The following ARHGAP17 variants were observed in gnomAD, a reference collection of about 807,000 sequenced individuals.
ARHGAP17 encodes Rho GTPase activating protein 17.
Under a neutral mutation model 99.5 loss-of-function variants are expected in ARHGAP17, and 57 were observed. The ratio of observed to expected loss-of-function variants is 0.57; its 90% CI spans 0.46 to 0.71. The LOEUF is 0.71. Ranked by LOEUF, ARHGAP17 falls within the 30% of genes least tolerant of loss-of-function variation. The pLI is 0.00. For synonymous variants in ARHGAP17, 417 were observed against 429.6 expected, an observed-to-expected ratio of 0.97 and a Z score of 0.36; for missense variants, 1,000 against 1,122.4, an observed-to-expected ratio of 0.89 and a Z score of 1.56.
Position 24,971,562 on chromosome 16 carries a change from A to C in ARHGAP17, c.199-982T>G, listed in dbSNP as rs555523830. Among the ~76,000 whole-genome samples the C allele has an allele frequency of 2.0e-5, 3 of 152,276 alleles. No homozygotes were observed. The South Asian group carries it at 6.2e-4, about 32-fold the overall frequency. On this transcript the variant is annotated intron_variant, in intron 3 of 19. Coordinates refer to ENST00000289968, the MANE Select transcript of ARHGAP17 (RefSeq NM_001006634.3). ...AGGCTTGTCTCAAACTCTTGACCTC[A>C]AGTGATCTGCCCTCCTCAGCCTCCC...
intron 12 of ARHGAP17, 108 bp downstream of exon 12, chr16:24,952,181 A>G: frequency 1.4e-6 from 1 of 733,790 alleles, no homozygotes; most frequent in Non-Finnish European, 2.2e-6. Flanking sequence ...TATTTAACAA[A>G]TACGCTATTT....
Position 24,977,280 on chromosome 16 carries a change from G to A in ARHGAP17, c.133C>T (p.His45Tyr). Residue 45 changes from histidine to tyrosine, a missense_variant, in exon 3 of 20, where the codon CAT becomes TAT. Physicochemically the swap from His to Tyr is moderately conservative, Grantham distance 83. This residue lies in a region of ARHGAP17 where 472 missense variants were observed against 611.1 expected (regional missense o/e 0.77). Transcript: ENST00000289968. Reference sequence around the variant, plus strand: ...CATGCCACCAAGCGCTTATGGGAATGGTGGCATATTGACCGCACCGTGTCC... The same window carrying A: ...CATGCCACCAAGCGCTTATGGGAATAGTGGCATATTGACCGCACCGTGTCC... ...RLDTVRSICH[H>Y]SHKRLVACFQ... 6.3e-7 allele frequency: 1 copy of A among 1,597,320 alleles called. No individual in the cohort carries two copies. Among genetic ancestry groups the A allele is most frequent in the Admixed American group, 1.7e-5 (1 of 59,060 alleles).
At chr16:24,965,473 T>TCAAA (rs767439872) in intron 6 of ARHGAP17, among the ~76,000 whole-genome samples, 2 of 152,060 alleles carry the variant, frequency 1.3e-5, no homozygotes, top group South Asian at 4.2e-4. Flanking sequence ...AGACCCTGTC[T>TCAAA]CAAACAAACA....
At chr16:24,984,625 G>A (rs1447516607) in intron 1 of ARHGAP17, among the ~76,000 whole-genome samples, 1 of 151,574 alleles carries the variant, frequency 6.6e-6, no homozygotes, top group Non-Finnish European at 1.5e-5. Context: ...TTGCGCCACT[G>A]CACTCCAGCC....
chr16:25,015,210 T>G lies in ARHGAP17; in HGVS notation c.52A>C (p.Arg18=). The G allele has an allele frequency of 7.5e-7, 1 of 1,332,554 alleles. No individual in the cohort carries two copies. Among genetic ancestry groups the G allele is most frequent in the Non-Finnish European group, 9.7e-7 (1 of 1,033,542 alleles). The allele number at this position is 1,332,554 out of a possible 1,614,324, so 82.5% of individuals were successfully genotyped here. The change falls in exon 1 of 20, where the codon AGA becomes CGA. Residue 18 remains arginine (R), a splice_region_variant and synonymous_variant. Coordinates refer to ENST00000289968, the MANE Select transcript of ARHGAP17 (RefSeq NM_001006634.3). ...CCCCGTGCTGCCCGGCGCACTCGCC[T>G]GCCCACGGTCTGGTTAGCCAGCTGC... The part of the protein sequence containing the change: ...MKQLANQTVG[R]AEKTEVLSED...
intron 2 of ARHGAP17, among the ~76,000 whole-genome samples, chr16:24,977,704 G>GGTGT (rs148578980): frequency 3.3e-5 from 5 of 151,806 alleles, no homozygotes; most frequent in Admixed American, 6.6e-5. Flanking sequence ...TTGGGTTTGG[G>GGTGT]GTGTGTGTGT....
intron 1 of ARHGAP17, among the ~76,000 whole-genome samples, chr16:25,005,581 T>C (rs1330178309): frequency 2.0e-5 from 3 of 152,168 alleles, no homozygotes; most frequent in Non-Finnish European, 2.9e-5. Flanking sequence ...AGGGATCAAT[T>C]ATATTTTTAA....
chr16:24,953,989 A>C (rs1465564239), intron 10 of ARHGAP17, among the ~76,000 whole-genome samples: 1 of 151,966 alleles, frequency 6.6e-6, no homozygotes, highest in East Asian at 1.9e-4. Flanking sequence ...TACACCTATG[A>C]TATGTATGCT....
At chr16:24,977,420 G>T in intron 2 of ARHGAP17, 101 bp from the exon 3 acceptor site, 1 of 968,298 alleles carries the variant, frequency 1.0e-6, no homozygotes. Flanking sequence ...GCAGGGAAAA[G>T]GGATGATCTT....
At chr16:24,990,088 T>C (rs977627077) in intron 1 of ARHGAP17, among the ~76,000 whole-genome samples, 6 of 152,242 alleles carry the variant, frequency 3.9e-5, no homozygotes, top group South Asian at 2.1e-4. Flanking sequence ...CATTACACAT[T>C]GTAAACATAT....
chr16:25,010,071 C>G (rs1270750973), intron 1 of ARHGAP17, among the ~76,000 whole-genome samples: 1 of 151,012 alleles, frequency 6.6e-6, no homozygotes, highest in African/African-American at 2.4e-5. Context: ...AGGTTTCTTC[C>G]TCTTTTTTTT....
At chr16:24,921,951 TCA>T (rs1308527723) in intron 19 of ARHGAP17, among the ~76,000 whole-genome samples, 1 of 152,200 alleles carries the variant, frequency 6.6e-6, no homozygotes, top group Non-Finnish European at 1.5e-5. Flanking sequence ...TCTGTCTTGT[TCA>T]CAGTGTATCC....
At chr16:24,972,611 C>T (rs886239286) in intron 3 of ARHGAP17, 5 of 152,132 alleles carry the variant, frequency 3.3e-5, no homozygotes, top group African/African-American at 7.2e-5. Context: ...GGTTATGCTG[C>T]CTTTCTAAAG....
chr16:24,959,625 T>C (rs764632294), intron 9 of ARHGAP17, 46 bp downstream of exon 9: 2 of 1,580,102 alleles, frequency 1.3e-6, no homozygotes, highest in African/African-American at 2.7e-5. Flanking sequence ...CAGGCAGAGG[T>C]GGCAGAGGCA....
chr16:25,001,893 GACCAAAGC>G (rs2053369595), intron 1 of ARHGAP17, among the ~76,000 whole-genome samples: 2 of 152,090 alleles, frequency 1.3e-5, no homozygotes, highest in Admixed American at 6.6e-5. Context: ...AGACCAATCT[GACCAAAGC>G]GAAACCCTGT....
At chr16:24,988,767 C>G (rs964261620) in intron 1 of ARHGAP17, among the ~76,000 whole-genome samples, 1 of 152,098 alleles carries the variant, frequency 6.6e-6, no homozygotes, top group Non-Finnish European at 1.5e-5. Context: ...AACCACGTGG[C>G]CTGTCTCAAA....
At position 24,925,026 on chromosome 16, in the gene ARHGAP17, G is replaced by A. The variant is rs75715982; in HGVS notation, c.2516-4766C>T. On this transcript the variant is annotated intron_variant, in intron 19 of 19. Coordinates refer to ENST00000289968, the MANE Select transcript of ARHGAP17 (RefSeq NM_001006634.3). ...CCTCAGATAATGTCTTCACTTTCAG[G>A]ATCCTCACCCAAGGATATACACAAC... 5.8e-4 allele frequency among the ~76,000 whole-genome samples: 89 copies of A among 152,208 alleles called. No individual in the cohort carries two copies. In the East Asian group the frequency reaches 0.014, roughly 23 times the overall value.
chr16:24,997,880 C>T (rs79534837), intron 1 of ARHGAP17, among the ~76,000 whole-genome samples: 5,180 of 152,222 alleles, frequency 0.034, 242 homozygotes, highest in African/African-American at 0.1. Flanking sequence ...ATATCCAGTT[C>T]CCTTTTTTCT....
chr16:24,977,443 C>G (rs2052553006), intron 2 of ARHGAP17, 124 bp from the exon 3 acceptor site: 4 of 691,832 alleles, frequency 5.8e-6, no homozygotes, highest in Non-Finnish European at 9.1e-6. Flanking sequence ...CTACACCTTG[C>G]TATCACACTG....
Sources: allele counts gnomAD v4.1 joint callset (sites outside exome capture counted in the v4.1 genomes callset), GRCh38; gene constraint gnomAD v4.1.1; regional missense constraint gnomAD v4.1.1; transcripts MANE v1.5; gene names NCBI Gene and HGNC (gene_info 2026-07-23, HGNC 2026-07-21).